Variants in ROR2 observed in about 807,000 individuals in gnomAD.
The protein encoded by ROR2 is ROR family WNT receptor 2.
Under a neutral mutation model 74.9 loss-of-function variants are expected in ROR2, and 33 were observed. The ratio of observed to expected loss-of-function variants is 0.44; its 90% confidence interval spans 0.33 to 0.59. The LOEUF is 0.59. Among genes scored for constraint, ROR2 ranks in the 20% least tolerant of loss-of-function variants. The pLI is 0.02. For missense variants in ROR2, 1,216 were observed against 1,313.8 expected (o/e 0.93, Z 1.15); for synonymous variants, 586 against 558.7 (o/e 1.05, Z -0.69).
At chr9:91,819,296 C>T (rs1335415125) in intron 1 of ROR2, among the ~76,000 whole-genome samples, 3 of 152,236 alleles carry the variant, frequency 2.0e-5, no homozygotes, top group Admixed American at 6.5e-5. Context: ...GCAGAGCTGT[C>T]GCTGCACAGA....
intron 1 of ROR2, among the ~76,000 whole-genome samples, chr9:91,859,626 C>T (rs1829408300): frequency 6.6e-6 from 1 of 152,020 alleles, no homozygotes; most frequent in African/African-American, 2.4e-5. Context: ...AGTTCAAGAC[C>T]AGCCTGGACA....
rs1836870270 is a variant in ROR2 at position 91,723,551 on chromosome 9, TG to T, written c.*110del. 23 of 1,482,356 alleles carry T rather than the reference TG, an allele frequency of 1.6e-5. No homozygotes were observed. The highest frequency in any genetic ancestry group is 2.0e-5 in the Non-Finnish European group (22 of 1,102,660). The allele number at this position is 1,482,356 out of a possible 1,614,324, so 91.8% of individuals were successfully genotyped here. On this transcript the variant is annotated 3_prime_UTR_variant, in exon 9 of 9. Transcript: ENST00000375708. ...TCACCCAGTCTGCAAACAAGCCCAC[TG>T]GCCGGCGGGCTCTTGTGATTGCTGA...
At chr9:91,834,792 G>GCA (rs1008942428) in intron 1 of ROR2, among the ~76,000 whole-genome samples, 1 of 152,204 alleles carries the variant, frequency 6.6e-6, no homozygotes, top group South Asian at 2.1e-4. Context: ...TGGCCCATCT[G>GCA]CACACACACA....
intron 1 of ROR2, among the ~76,000 whole-genome samples, chr9:91,829,136 C>T (rs1828381408): frequency 6.6e-6 from 1 of 152,220 alleles, no homozygotes. Flanking sequence ...GTCCCACCTC[C>T]AAGCCAATTA....
At chr9:91,902,823 C>T (rs1830710224) in intron 1 of ROR2, among the ~76,000 whole-genome samples, 2 of 152,140 alleles carry the variant, frequency 1.3e-5, no homozygotes, top group South Asian at 4.1e-4. Flanking sequence ...GGATAAGCCT[C>T]GAAGGCATGC....
intron 1 of ROR2, chr9:91,923,631 A>AT (rs959111299): frequency 2.6e-5 from 4 of 152,202 alleles, no homozygotes; most frequent in African/African-American, 9.6e-5. Flanking sequence ...CAAATATTAC[A>AT]TTTTTTCTTT....
At chr9:91,827,112 C>T (rs1828319729) in intron 1 of ROR2, among the ~76,000 whole-genome samples, 1 of 152,104 alleles carries the variant, frequency 6.6e-6, no homozygotes, top group South Asian at 2.1e-4. Flanking sequence ...ATTGAACTTC[C>T]TGCTACATTA....
intron 1 of ROR2, among the ~76,000 whole-genome samples, chr9:91,862,339 AAGG>A (rs1451437681): frequency 6.6e-6 from 1 of 151,782 alleles, no homozygotes; most frequent in African/African-American, 2.4e-5. Flanking sequence ...CCAAAAAAAA[AAGG>A]AGGAGGAGGA....
chr9:91,884,412 C>A (rs1167231065), intron 1 of ROR2, among the ~76,000 whole-genome samples: 1 of 150,592 alleles, frequency 6.6e-6, no homozygotes, highest in Non-Finnish European at 1.5e-5. Flanking sequence ...AGGCTTCAGG[C>A]ATGACTTGTC....
intron 1 of ROR2, among the ~76,000 whole-genome samples, chr9:91,810,868 G>A (rs1026066747): frequency 8.5e-5 from 13 of 152,190 alleles, no homozygotes; most frequent in African/African-American, 3.1e-4. Flanking sequence ...GACCCAGAGG[G>A]GAGACATCGG....
At chr9:91,914,843 C>T (rs1260131658) in intron 1 of ROR2, among the ~76,000 whole-genome samples, 4 of 152,120 alleles carry the variant, frequency 2.6e-5, no homozygotes, top group African/African-American at 9.7e-5. Context: ...ACAGGGCAAA[C>T]TTACACAGGG....
At chr9:91,938,752 C>T (rs1334622056) in intron 1 of ROR2, among the ~76,000 whole-genome samples, 1 of 152,216 alleles carries the variant, frequency 6.6e-6, no homozygotes, top group African/African-American at 2.4e-5. Context: ...AGAATCTCTT[C>T]TTTGAAATCT....
intron 4 of ROR2, among the ~76,000 whole-genome samples, chr9:91,746,345 G>A (rs1825417198): frequency 1.3e-5 from 2 of 152,188 alleles, no homozygotes. Context: ...CCAAAGTGCT[G>A]GGATTACAGG....
intron 4 of ROR2, among the ~76,000 whole-genome samples, chr9:91,754,302 A>T (rs190195975): frequency 6.6e-6 from 1 of 150,784 alleles, no homozygotes; most frequent in Admixed American, 6.6e-5. Context: ...TATATTATAT[A>T]GTTACATAAT....
At chr9:91,788,503 A>T (rs928166977) in intron 1 of ROR2, among the ~76,000 whole-genome samples, 1 of 152,088 alleles carries the variant, frequency 6.6e-6, no homozygotes, top group Non-Finnish European at 1.5e-5. Flanking sequence ...CTGGCTTCTC[A>T]TCAGAACCCA....
chr9:91,775,874 A>G (rs562707631), intron 1 of ROR2, 56 bp from the exon 2 acceptor site: 2 of 1,474,734 alleles, frequency 1.4e-6, no homozygotes, highest in African/African-American at 2.8e-5. Flanking sequence ...AGGAGCCTTT[A>G]ATTTGCTTCT....
chr9:91,722,669 G>T lies in ROR2; in HGVS notation c.*993C>A, dbSNP rs1766303504. ...AAATAGGACCAACAATGTGTGCGGGGCACAGACGGCTGCCTGTGGGTCTGT... is the reference window on the plus strand; with the variant it reads ...AAATAGGACCAACAATGTGTGCGGGTCACAGACGGCTGCCTGTGGGTCTGT... On this transcript the variant is annotated 3_prime_UTR_variant, in exon 9 of 9. Transcript: ENST00000375708. The T allele has an allele frequency of 9.0e-6, 7 of 776,046 alleles. No individual in the cohort carries two copies. Among genetic ancestry groups the T allele is most frequent in the Non-Finnish European group, 1.7e-5 (7 of 415,890 alleles). 48.1% of individuals were successfully genotyped at this position (776,046 alleles called of 1,614,324 possible). A position where few individuals can be genotyped will look rare whatever the true frequency, so the allele number is the denominator to read the frequency against.
chr9:91,883,823 A>G (rs980418311), intron 1 of ROR2, among the ~76,000 whole-genome samples: 2 of 152,176 alleles, frequency 1.3e-5, no homozygotes, highest in African/African-American at 4.8e-5. Context: ...GCTAGCGCTT[A>G]AATCACCACC....
At chr9:91,920,747 A>C (rs550755904) in intron 1 of ROR2, among the ~76,000 whole-genome samples, 1 of 152,330 alleles carries the variant, frequency 6.6e-6, no homozygotes, top group South Asian at 2.1e-4. Context: ...AGATAGGTCA[A>C]GCAGACGATA....
Sources: allele counts gnomAD v4.1 joint callset (sites outside exome capture counted in the v4.1 genomes callset), GRCh38; gene constraint gnomAD v4.1.1; transcripts MANE v1.5; gene names NCBI Gene and HGNC (gene_info 2026-07-23, HGNC 2026-07-21).